The following PARD3 variants were observed in gnomAD, a reference collection of about 807,000 sequenced individuals.
PARD3 encodes the protein par-3 family cell polarity regulator.
A neutral mutation model predicts 155.4 loss-of-function variants in PARD3; 75 were observed. The ratio of observed to expected loss-of-function variants is 0.48; its 90% CI spans 0.40 to 0.58. The LOEUF is 0.58. Ranked by LOEUF, PARD3 falls within the 20% of genes least tolerant of loss-of-function variation. The probability of loss-of-function intolerance (pLI) is 0.00; values close to 1 mark genes in which losing one functional copy is unlikely to be tolerated. For missense variants in PARD3, 1,642 were observed against 1,721.7 expected (o/e 0.95, Z 0.82); for synonymous variants, 576 against 610.5 (o/e 0.94, Z 0.83).
chr10:34,665,147 T>C (rs921089118), intron 2 of PARD3, among the ~76,000 whole-genome samples: 3 of 152,096 alleles, frequency 2.0e-5, no homozygotes, highest in African/African-American at 7.2e-5. Flanking sequence ...ATCAAAGTTA[T>C]TAATAATTAA....
At chr10:34,209,585 C>A (rs1832868313) in intron 22 of PARD3, among the ~76,000 whole-genome samples, 1 of 152,172 alleles carries the variant, frequency 6.6e-6, no homozygotes, top group African/African-American at 2.4e-5. Context: ...GTTTTCCTAA[C>A]CAAGAGCAAA....
At chr10:34,347,533 A>G (rs765850906) in intron 15 of PARD3, among the ~76,000 whole-genome samples, 1 of 152,246 alleles carries the variant, frequency 6.6e-6, no homozygotes, top group Non-Finnish European at 1.5e-5. Flanking sequence ...ATGTGTGCAT[A>G]TATCTGTATA....
intron 2 of PARD3, among the ~76,000 whole-genome samples, chr10:34,611,879 G>A (rs1218835318): frequency 7.0e-6 from 1 of 143,206 alleles, no homozygotes; most frequent in Non-Finnish European, 1.5e-5. Context: ...GCGCAATCTC[G>A]GTTCACTGCA....
intron 1 of PARD3, among the ~76,000 whole-genome samples, chr10:34,758,464 G>A (rs965516460): frequency 2.0e-5 from 3 of 152,206 alleles, no homozygotes; most frequent in Non-Finnish European, 2.9e-5. Context: ...ACCATCTGCA[G>A]AAGAGCAGCT....
intron 20 of PARD3, among the ~76,000 whole-genome samples, chr10:34,305,429 T>C (rs1957355815): frequency 6.6e-6 from 1 of 152,266 alleles, no homozygotes; most frequent in Non-Finnish European, 1.5e-5. Context: ...TCATTTGCTC[T>C]GCAGCAGCTG....
At chr10:34,250,504 G>A (rs1156630713) in intron 22 of PARD3, among the ~76,000 whole-genome samples, 2 of 151,964 alleles carry the variant, frequency 1.3e-5, no homozygotes, top group Non-Finnish European at 2.9e-5. Context: ...TTCCTTGACG[G>A]GCATTTAGCT....
At chr10:34,355,948 A>AAC (rs1838810268) in intron 14 of PARD3, among the ~76,000 whole-genome samples, 2 of 127,954 alleles carry the variant, frequency 1.6e-5, no homozygotes, top group Non-Finnish European at 3.1e-5. Context: ...AAAAAAAAAC[A>AAC]AAACAAAACC....
chr10:34,192,885 T>C (rs1349437859), intron 22 of PARD3, among the ~76,000 whole-genome samples: 1 of 152,146 alleles, frequency 6.6e-6, no homozygotes, highest in Non-Finnish European at 1.5e-5. Context: ...CAAATTATCA[T>C]GCCCGCCTCT....
intron 3 of PARD3, among the ~76,000 whole-genome samples, chr10:34,485,680 C>T (rs1007680064): frequency 6.6e-6 from 1 of 152,098 alleles, no homozygotes; most frequent in Non-Finnish European, 1.5e-5. Context: ...TCTTACTATG[C>T]AGATGAAACC....
At chr10:34,144,449 GT>G (rs1304143663) in intron 22 of PARD3, among the ~76,000 whole-genome samples, 1 of 152,084 alleles carries the variant, frequency 6.6e-6, no homozygotes, top group African/African-American at 2.4e-5. Context: ...GCTAGTGATG[GT>G]TTCATTGCTT....
At chr10:34,542,252 C>T (rs1177011943) in intron 2 of PARD3, among the ~76,000 whole-genome samples, 1 of 143,904 alleles carries the variant, frequency 6.9e-6, no homozygotes. Flanking sequence ...CACACACACA[C>T]GCTTGCATTT....
chr10:34,469,223 G>A (rs1229915731), intron 4 of PARD3, among the ~76,000 whole-genome samples: 3 of 152,186 alleles, frequency 2.0e-5, no homozygotes, highest in Non-Finnish European at 4.4e-5. Flanking sequence ...CGATTATTGT[G>A]CCTCAGCATC....
rs745329552 is a variant in PARD3 at position 34,378,000 on chromosome 10, A to T, written c.1506T>A (p.Asp502Glu). 29 of 1,589,548 alleles carry T rather than the reference A, an allele frequency of 1.8e-5. No homozygotes were observed. The highest frequency in any genetic ancestry group is 7.3e-5 in the Admixed American group (4 of 54,958). The part of the protein sequence containing the change: ...NILPRGAAIQ[D>E]GRLKAGDRLI... ...GTCTGTCTCCTGCCTTAAGTCGGCC[A>T]TCCTGAATGGCCGCCCCCCGGGGGA... The change falls in exon 10 of 25, where the codon GAT becomes GAA. Residue 502 changes from aspartate to glutamate, a missense_variant. Physicochemically the swap from Asp to Glu is conservative, Grantham distance 45. Coordinates refer to ENST00000374788, the MANE Select transcript of PARD3 (RefSeq NM_001184785.2).
chr10:34,675,864 C>T (rs563546994), intron 2 of PARD3: 7 of 201,362 alleles, frequency 3.5e-5, no homozygotes, highest in East Asian at 1.1e-4. Flanking sequence ...CACACACACA[C>T]GCGCTCATCA....
chr10:34,805,550 T>TATATATAC (rs1843270177), intron 1 of PARD3, among the ~76,000 whole-genome samples: 1 of 147,242 alleles, frequency 6.8e-6, no homozygotes, highest in Non-Finnish European at 1.5e-5. Flanking sequence ...TGCATATATA[T>TATATATAC]ATATATATAT....
chr10:34,731,128 C>T (rs953116749), intron 1 of PARD3, among the ~76,000 whole-genome samples: 2 of 149,006 alleles, frequency 1.3e-5, no homozygotes, highest in African/African-American at 4.9e-5. Flanking sequence ...AATTTTTTTA[C>T]GCTGTTTTCT....
At position 34,378,548 on chromosome 10, in the gene PARD3, G is replaced by A. The variant is rs142104893; in HGVS notation, c.1400-442C>T. 1.1e-3 allele frequency among the ~76,000 whole-genome samples: 164 copies of A among 152,272 alleles called. No homozygotes were observed. In the Middle Eastern group the frequency reaches 0.017, roughly 16 times the overall value. ...AGCAAGGGAAACAAAAATGTCCAGG[G>A]AGATGGAAAAGAACAGTGAAATGAG... On this transcript the variant is annotated intron_variant, in intron 9 of 24. Coordinates refer to ENST00000374788, the MANE Select transcript of PARD3 (RefSeq NM_001184785.2).
intron 22 of PARD3, among the ~76,000 whole-genome samples, chr10:34,211,930 A>T (rs1229426927): frequency 6.6e-6 from 1 of 151,802 alleles, no homozygotes; most frequent in African/African-American, 2.4e-5. Flanking sequence ...GTATTTGGGG[A>T]CACTACACTT....
chr10:34,352,145 T>C (rs549674339), intron 14 of PARD3, among the ~76,000 whole-genome samples: 40 of 152,368 alleles, frequency 2.6e-4, no homozygotes, highest in African/African-American at 9.1e-4. Flanking sequence ...CTGGAAGCTA[T>C]GTTAAATTAC....
Sources: allele counts gnomAD v4.1 joint callset (sites outside exome capture counted in the v4.1 genomes callset), GRCh38; gene constraint gnomAD v4.1.1; transcripts MANE v1.5; gene names NCBI Gene and HGNC (gene_info 2026-07-23, HGNC 2026-07-21).